Variants in TRDN observed in about 807,000 individuals in gnomAD.
The protein encoded by TRDN is triadin.
A neutral mutation model predicts 149.7 loss-of-function variants in TRDN; 161 were observed. The ratio of observed to expected loss-of-function variants is 1.08; its 90% CI spans 0.95 to 1.23. The LOEUF is 1.23. TRDN is among the 50% of genes most tolerant of loss of function. TRDN has a pLI of 0.00. For missense variants in TRDN, 896 were observed against 823.5 expected (o/e 1.09, Z -1.08); for synonymous variants, 294 against 250.5 (o/e 1.17, Z -1.64).
At chr6:123,273,254 A>T in intron 28 of TRDN, 83 bp downstream of exon 28, 1 of 973,074 alleles carries the variant, frequency 1.0e-6, no homozygotes. Context: ...ATAAAAGCAC[A>T]GGTTGAAAAT....
intron 24 of TRDN, among the ~76,000 whole-genome samples, chr6:123,297,788 A>C (rs769970800): frequency 2.0e-5 from 3 of 152,074 alleles, no homozygotes; most frequent in Non-Finnish European, 2.9e-5. Flanking sequence ...TCAAGGGATA[A>C]ATGGACCTTT....
At chr6:123,223,510 G>GA (rs1775229856) in intron 39 of TRDN, among the ~76,000 whole-genome samples, 2 of 151,398 alleles carry the variant, frequency 1.3e-5, no homozygotes, top group South Asian at 2.1e-4. Flanking sequence ...GAACCTTTCA[G>GA]AAAAAAAATC....
intron 21 of TRDN, among the ~76,000 whole-genome samples, chr6:123,346,500 T>A (rs563859661): frequency 6.6e-6 from 1 of 151,938 alleles, no homozygotes; most frequent in African/African-American, 2.4e-5. Context: ...AGAAAGAAAA[T>A]TGAGGTCCAA....
At chr6:123,558,049 AC>A (rs1354110541) in intron 2 of TRDN, among the ~76,000 whole-genome samples, 1 of 152,078 alleles carries the variant, frequency 6.6e-6, no homozygotes. Context: ...CGACTTTTCC[AC>A]CCTACAAGAC....
Position 123,216,801 on chromosome 6 carries a change from TGTACAATACA to T in TRDN, c.*1790_*1799del, listed in dbSNP as rs1774985156. On this transcript the variant is annotated 3_prime_UTR_variant, in exon 41 of 41. Coordinates refer to ENST00000334268, the MANE Select transcript of TRDN (RefSeq NM_006073.4). ...GGAATCTAATTTATTATATTTTTCTTGTACAATACAGCACCTAACACAGCGCCCTAAAAGA... is the reference window on the plus strand; with the variant it reads ...GGAATCTAATTTATTATATTTTTCTTGCACCTAACACAGCGCCCTAAAAGA... 6.6e-6 allele frequency: 1 copy of T among 151,926 alleles called. No homozygotes were observed. The highest frequency in any genetic ancestry group is 1.5e-5 in the Non-Finnish European group (1 of 67,912). The allele number at this position is 151,926 out of a possible 1,614,324, so 9.4% of individuals were successfully genotyped here. A position where few individuals can be genotyped will look rare whatever the true frequency, so the allele number is the denominator to read the frequency against.
chr6:123,295,605 G>T (rs771816221), intron 24 of TRDN, among the ~76,000 whole-genome samples: 1 of 152,072 alleles, frequency 6.6e-6, no homozygotes, highest in Non-Finnish European at 1.5e-5. Flanking sequence ...TAATTAAGTT[G>T]ATTGACTCTT....
At position 123,530,510 on chromosome 6, in the gene TRDN, A is replaced by C. The variant is rs1020844292; in HGVS notation, c.480T>G (p.Thr160=). ...AACATAAAATGAAATGTTTACCTTT[A>C]GTTTGTATTTTCCTTTCAGGTTTCT... ...KQEKPERKIQ[T]KVTHKEKEKG... is the part of the protein sequence containing the mutation. The change falls in exon 5 of 41, where the codon ACT becomes ACG. Residue 160 remains threonine (T), a synonymous_variant. Transcript: ENST00000334268. 3.2e-6 allele frequency: 4 copies of C among 1,248,636 alleles called. No individual in the cohort carries two copies. Among genetic ancestry groups the C allele is most frequent in the Non-Finnish European group, 4.3e-6 (4 of 932,518 alleles). The allele number at this position is 1,248,636 out of a possible 1,614,324, so 77.3% of individuals were successfully genotyped here.
intron 23 of TRDN, among the ~76,000 whole-genome samples, chr6:123,325,274 C>T (rs1472019575): frequency 1.3e-5 from 2 of 151,990 alleles, no homozygotes; most frequent in African/African-American, 4.8e-5. Flanking sequence ...GTTAACATGA[C>T]AGTTGTAGTA....
At chr6:123,471,611 T>C (rs1367486253) in intron 9 of TRDN, 1 of 152,258 alleles carries the variant, frequency 6.6e-6, no homozygotes, top group East Asian at 1.9e-4. Context: ...ATGTTTCCAC[T>C]GGAACGGTTT....
At chr6:123,302,427 A>C (rs1778461736) in intron 24 of TRDN, among the ~76,000 whole-genome samples, 1 of 152,150 alleles carries the variant, frequency 6.6e-6, no homozygotes, top group African/African-American at 2.4e-5. Context: ...TCAGTGTCAG[A>C]ATAAAGGGAC....
At chr6:123,358,828 A>C (rs1234464437) in intron 20 of TRDN, among the ~76,000 whole-genome samples, 1 of 152,112 alleles carries the variant, frequency 6.6e-6, no homozygotes, top group Non-Finnish European at 1.5e-5. Context: ...CTGGAGGAGA[A>C]GTATGCTAGA....
At chr6:123,558,091 C>T (rs545729188) in intron 2 of TRDN, among the ~76,000 whole-genome samples, 37 of 152,204 alleles carry the variant, frequency 2.4e-4, no homozygotes, top group East Asian at 9.7e-4. Flanking sequence ...AATGGGCAAA[C>T]GGTCTGAGGT....
chr6:123,452,322 C>T (rs542825533), intron 10 of TRDN, among the ~76,000 whole-genome samples: 16 of 152,018 alleles, frequency 1.1e-4, no homozygotes, highest in South Asian at 1.0e-3. Flanking sequence ...TATTTGCTGA[C>T]GATATGATCT....
chr6:123,615,107 C>T (rs1368479155), intron 1 of TRDN, among the ~76,000 whole-genome samples: 1 of 152,082 alleles, frequency 6.6e-6, no homozygotes, highest in East Asian at 1.9e-4. Context: ...AATGAGATAT[C>T]TCACTCCAGT....
intron 2 of TRDN, among the ~76,000 whole-genome samples, chr6:123,563,485 A>C (rs1782108752): frequency 6.6e-6 from 1 of 152,224 alleles, no homozygotes; most frequent in South Asian, 2.1e-4. Flanking sequence ...CTTCTTAAAA[A>C]AAGCCCATGT....
At chr6:123,351,757 C>A in intron 21 of TRDN, 2 of 919,724 alleles carry the variant, frequency 2.2e-6, no homozygotes, top group Non-Finnish European at 2.6e-6. Flanking sequence ...AGACTTTGTT[C>A]TTGATAAAAT....
chr6:123,571,549 G>T (rs1366636477), intron 1 of TRDN, among the ~76,000 whole-genome samples: 2 of 151,960 alleles, frequency 1.3e-5, no homozygotes, highest in Non-Finnish European at 2.9e-5. Flanking sequence ...CTAAGATAAT[G>T]ATGTTAGAAA....
intron 21 of TRDN, chr6:123,351,809 TTATTA>T (rs1451444299): frequency 1.1e-6 from 1 of 916,926 alleles, no homozygotes; most frequent in African/African-American, 1.8e-5. Context: ...AAATATAGTA[TTATTA>T]TATAAGAGCA....
At chr6:123,295,744 A>G (rs1363104243) in intron 24 of TRDN, among the ~76,000 whole-genome samples, 1 of 152,050 alleles carries the variant, frequency 6.6e-6, no homozygotes, top group Admixed American at 6.6e-5. Flanking sequence ...CAGGTGGATC[A>G]CTCGAGACCA....
Sources: gnomAD v4.1 joint callset for allele counts (sites outside exome capture counted in the v4.1 genomes callset) on GRCh38, gnomAD v4.1.1 for gene constraint, MANE v1.5 for transcripts, NCBI Gene and HGNC (gene_info 2026-07-23, HGNC 2026-07-21) for gene names.